Variants in MS4A10 observed in about 807,000 individuals in gnomAD.
The protein encoded by MS4A10 is membrane-spanning 4-domains subfamily A member 10.
In MS4A10, 27 loss-of-function variants were observed where a neutral mutation model predicts 27.7. The observed-to-expected ratio is 0.98, with a 90% CI of 0.72 to 1.35. MS4A10 has a LOEUF of 1.35. Ranked by LOEUF, MS4A10 falls within the 40% of genes most tolerant of loss-of-function variation. The pLI, the probability that MS4A10 is intolerant of heterozygous loss-of-function variation, is 0.00. For missense variants in MS4A10, 338 were observed against 324.7 expected, an observed-to-expected ratio of 1.04 and a Z score of -0.32; for synonymous variants, 139 against 131.2, an observed-to-expected ratio of 1.06 and a Z score of -0.41.
At chr11:60,791,219 C>A in intron 3 of MS4A10, 126 bp downstream of exon 3, 1 of 1,253,730 alleles carries the variant, frequency 8.0e-7, no homozygotes, top group Non-Finnish European at 1.1e-6. Context: ...AGAAGCGAGG[C>A]CCTTTCTCCA....
intron 1 of MS4A10, among the ~76,000 whole-genome samples, chr11:60,788,412 C>T (rs1326333020): frequency 1.3e-5 from 2 of 152,256 alleles, no homozygotes; most frequent in Non-Finnish European, 2.9e-5. Context: ...GGCAGCTCTA[C>T]TAAGAAGTCC....
chr11:60,793,895 C>T (rs1854474454), intron 4 of MS4A10, 77 bp from the exon 5 acceptor site: 1 of 1,534,672 alleles, frequency 6.5e-7, no homozygotes, highest in Non-Finnish European at 8.9e-7. Flanking sequence ...GAGGAAGCTA[C>T]TGGCAAGCAT....
chr11:60,790,242 T>C (rs1854406511), intron 1 of MS4A10, 72 bp from the exon 2 acceptor site: 2 of 1,302,172 alleles, frequency 1.5e-6, no homozygotes, highest in South Asian at 2.6e-5. Context: ...CAGAGGTGAT[T>C]GGCAGAGGCT....
intron 1 of MS4A10, among the ~76,000 whole-genome samples, chr11:60,788,448 G>A (rs1396219906): frequency 6.6e-6 from 1 of 152,234 alleles, no homozygotes; most frequent in Non-Finnish European, 1.5e-5. Context: ...TTGCAGTGGA[G>A]TCCAGGCCTG....
At chr11:60,796,924 C>T (rs1211834046) in intron 6 of MS4A10, among the ~76,000 whole-genome samples, 2 of 152,096 alleles carry the variant, frequency 1.3e-5, no homozygotes, top group Admixed American at 6.5e-5. Context: ...AATCATATTA[C>T]AATCTCAACT....
At chr11:60,797,534 A>G (rs1203644302) in intron 6 of MS4A10, among the ~76,000 whole-genome samples, 1 of 151,866 alleles carries the variant, frequency 6.6e-6, no homozygotes. Flanking sequence ...TCCTTCTTCC[A>G]CCTTCAAAGC....
chr11:60,798,842 G>A (rs549577917), intron 7 of MS4A10, among the ~76,000 whole-genome samples: 11 of 152,170 alleles, frequency 7.2e-5, no homozygotes, highest in Non-Finnish European at 1.3e-4. Context: ...GCAGCCCCCT[G>A]GTGCCCCCCA....
chr11:60,792,753 G>A lies in MS4A10; in HGVS notation c.360+432G>A, dbSNP rs188632101. Among the ~76,000 whole-genome samples the A allele has an allele frequency of 5.4e-3, 818 of 152,142 alleles. 8 individuals carry two copies. Among genetic ancestry groups the A allele is most frequent in the South Asian group, 0.021 (101 of 4,800 alleles). ...AACGGTGGTCCTCCCTTTTCTGCCC[G>A]TGCTGGCCACTGCCCAAACACCTTG... On this transcript the variant is annotated intron_variant, in intron 4 of 7. Coordinates refer to ENST00000308287, the MANE Select transcript of MS4A10 (RefSeq NM_206893.4).
At position 60,794,247 on chromosome 11, in the gene MS4A10, C is replaced by G. The variant is rs919394350; in HGVS notation, c.492+144C>G. 5.6e-6 allele frequency: 5 copies of G among 900,288 alleles called. No homozygotes were observed. In the African/African-American group the frequency reaches 8.3e-5, roughly 15 times the overall value. 55.8% of individuals were successfully genotyped at this position (900,288 alleles called of 1,614,324 possible). On this transcript the variant is annotated intron_variant, in intron 5 of 7. Coordinates refer to ENST00000308287, the MANE Select transcript of MS4A10 (RefSeq NM_206893.4). ...GGCCCTTTGCCAACCTGTTTCTGTC[C>G]CCTACAAGGTGTGGTGGAAAGGTGG...
rs1178368356 is a variant in MS4A10, at chr11:60,795,627, G to A, written c.565G>A (p.Ala189Thr). ...VLELFLPVPT[A>T]VTAWRGDCPS... ...AGAGCTCTTCCTGCCAGTGCCCACA[G>A]CTGTCACAGCCTGGAGAGGGGACTG... Residue 189 changes from alanine (A) to threonine (T), a missense_variant, in exon 6 of 8, where the codon GCT becomes ACT. Transcript: ENST00000308287. 1.3e-6 allele frequency: 2 copies of A among 1,595,268 alleles called. No homozygotes were observed. The highest frequency in any genetic ancestry group is 1.7e-6 in the Non-Finnish European group (2 of 1,170,726).
intron 4 of MS4A10, among the ~76,000 whole-genome samples, chr11:60,793,191 A>G (rs1565081847): frequency 1.3e-5 from 2 of 152,178 alleles, no homozygotes; most frequent in African/African-American, 2.4e-5. Context: ...CTCAGAGGGC[A>G]TACAGAATAG....
At chr11:60,794,166 A>G in intron 5 of MS4A10, 63 bp downstream of exon 5, 4 of 1,599,916 alleles carry the variant, frequency 2.5e-6, no homozygotes, top group Non-Finnish European at 3.4e-6. Flanking sequence ...GATTTGGCCA[A>G]CAGGAGGTTT....
At chr11:60,788,745 G>A (rs10897113) in intron 1 of MS4A10, among the ~76,000 whole-genome samples, 46,664 of 152,134 alleles carry the variant, frequency 0.31, 7,972 homozygotes, top group Non-Finnish European at 0.4. Flanking sequence ...ATCAGCGGTC[G>A]TCACTGCAGG....
Position 60,800,059 on chromosome 11 carries a change from A to C in MS4A10, c.*150A>C, listed in dbSNP as rs1565084717. ...AAGTCAGCCCTCACAGCTCCTGGGA[A>C]CGCTGTCCTCTCAGATAAGCCATTT... is the stretch of plus-strand genomic sequence containing the variant. On this transcript the variant is annotated 3_prime_UTR_variant, in exon 8 of 8. Transcript: ENST00000308287. The C allele has an allele frequency of 4.3e-6, 5 of 1,168,402 alleles. No individual in the cohort carries two copies. The highest frequency in any genetic ancestry group is 2.4e-5 in the East Asian group (1 of 41,698). The allele number at this position is 1,168,402 out of a possible 1,614,324, so 72.4% of individuals were successfully genotyped here.
intron 5 of MS4A10, 39 bp downstream of exon 5, chr11:60,794,142 A>C (rs746151831): frequency 6.2e-6 from 10 of 1,612,044 alleles, no homozygotes; most frequent in Non-Finnish European, 8.5e-6. Context: ...GACTTCAGCG[A>C]AGGTGCTGCC....
intron 1 of MS4A10, among the ~76,000 whole-genome samples, chr11:60,786,604 G>A (rs564151390): frequency 4.7e-5 from 7 of 149,294 alleles, no homozygotes; most frequent in African/African-American, 1.2e-4. Context: ...GTGGAGCCTC[G>A]CTCTCACAGC....
chr11:60,799,889 T>C lies in MS4A10; in HGVS notation c.784T>C (p.Trp262Arg), dbSNP rs753421373. 2 of 1,614,166 alleles carry C rather than the reference T, an allele frequency of 1.2e-6. No individual in the cohort carries two copies. The highest frequency in any genetic ancestry group is 2.2e-5 in the East Asian group (1 of 44,894). Residue 262 changes from tryptophan to arginine, a missense_variant, in exon 8 of 8, where the codon TGG becomes CGG. Transcript: ENST00000308287. ...TWIVTDGAAI[W>R]TQTAN is the part of the protein sequence containing the mutation. ...GATAGTCACTGACGGAGCTGCGATC[T>C]GGACCCAGACTGCAAACTGAAGAGC... is the stretch of plus-strand genomic sequence containing the variant.
At chr11:60,798,110 G>C (rs544334863) in intron 6 of MS4A10, among the ~76,000 whole-genome samples, 1 of 152,376 alleles carries the variant, frequency 6.6e-6, no homozygotes, top group African/African-American at 2.4e-5. Flanking sequence ...AAACCCAACA[G>C]GGTGAGTGAC....
Position 60,792,294 on chromosome 11 carries a change from A to G in MS4A10, c.333A>G (p.Thr111=). The G allele has an allele frequency of 1.2e-6, 2 of 1,613,466 alleles. No homozygotes were observed. Among genetic ancestry groups the G allele is most frequent in the Non-Finnish European group, 8.5e-7 (1 of 1,179,430 alleles). The stretch of plus-strand genomic sequence containing the variant: ...TCATTTCAGGGATCTTGGCGATAAC[A>G]ATGAAGACCTTTTCTAAAACTTACC... ...SFLISGILAI[T]MKTFSKTYLK... is the part of the protein sequence containing the mutation. Residue 111 remains threonine, a synonymous_variant, in exon 4 of 8, where the codon ACA becomes ACG. Coordinates refer to ENST00000308287, the MANE Select transcript of MS4A10 (RefSeq NM_206893.4).
Sources: gnomAD v4.1 joint callset for allele counts (sites outside exome capture counted in the v4.1 genomes callset) on GRCh38, gnomAD v4.1.1 for gene constraint, MANE v1.5 for transcripts, NCBI Gene and HGNC (gene_info 2026-07-23, HGNC 2026-07-21) for gene names.